Variants in CACNA1E observed in about 807,000 individuals in gnomAD.
The protein encoded by CACNA1E is calcium voltage-gated channel subunit alpha1 E, also known as voltage-dependent R-type calcium channel subunit alpha-1E.
A neutral mutation model predicts 259.2 loss-of-function variants in CACNA1E; 40 were observed. The ratio of observed to expected loss-of-function variants is 0.15; its 90% CI spans 0.12 to 0.20. CACNA1E has a LOEUF of 0.20. Ranked by LOEUF, CACNA1E falls within the 10% of genes least tolerant of loss-of-function variation. CACNA1E has a pLI of 1.00. For synonymous variants in CACNA1E, 1,104 were observed against 1,138.5 expected (o/e 0.97, Z 0.61); for missense variants, 1,874 against 3,040.1 (o/e 0.62, Z 9.02).
At position 181,780,943 on chromosome 1, in the gene CACNA1E, C is replaced by T. The variant is rs547300083; in HGVS notation, c.5268-484C>T. On this transcript the variant is annotated intron_variant, in intron 38 of 47. Transcript: ENST00000367573. Reference sequence around the variant, plus strand: ...CTGACTTCCAGGCCAGCGCCCCAGCCGGGGTCAGAAACTCCAACCCATGGC... The same window carrying T: ...CTGACTTCCAGGCCAGCGCCCCAGCTGGGGTCAGAAACTCCAACCCATGGC... 1.1e-4 allele frequency among the ~76,000 whole-genome samples: 16 copies of T among 152,284 alleles called. No individual in the cohort carries two copies. The South Asian group carries it at 2.3e-3, about 22-fold the overall frequency.
chr1:181,370,036 C>T lies in CACNA1E; in HGVS notation c.-14-43097C>T, dbSNP rs189801801. Among the ~76,000 whole-genome samples the T allele has an allele frequency of 2.0e-3, 303 of 151,520 alleles. 1 individual carries two copies. Among genetic ancestry groups the T allele is most frequent in the Admixed American group, 4.8e-3 (73 of 15,210 alleles). ...GTACTCAACTTTGTTTATTTTTTTT[C>T]ACAGTTGAGAATTTTAATTTTTCAA... On this transcript the variant is annotated intron_variant, in intron 1 of 11. Transcript: ENST00000524607.
intron 24 of CACNA1E, among the ~76,000 whole-genome samples, 198 bp downstream of exon 24, chr1:181,738,624 A>G (rs1656279848): frequency 6.6e-6 from 1 of 152,136 alleles, no homozygotes. Flanking sequence ...ATGTGTTTGT[A>G]CTGCTGCAGG....
intron 7 of CACNA1E, among the ~76,000 whole-genome samples, chr1:181,679,852 A>C (rs1284360667): frequency 6.6e-6 from 1 of 152,148 alleles, no homozygotes; most frequent in East Asian, 1.9e-4. Flanking sequence ...TCTAAAGTTA[A>C]GTCCACCTGT....
At chr1:181,515,583 C>T (rs1009374354) in intron 3 of CACNA1E, among the ~76,000 whole-genome samples, 2 of 152,218 alleles carry the variant, frequency 1.3e-5, no homozygotes, top group Non-Finnish European at 2.9e-5. Flanking sequence ...CTTGGGATCT[C>T]TCTTGCATTG....
chr1:181,778,376 C>T (rs1473071912), intron 38 of CACNA1E, among the ~76,000 whole-genome samples: 1 of 152,160 alleles, frequency 6.6e-6, no homozygotes, highest in East Asian at 1.9e-4. Context: ...GAGCTGCTAT[C>T]TGGAAGAATA....
At chr1:181,349,241 T>C (rs1424258633) in intron 1 of CACNA1E, among the ~76,000 whole-genome samples, 1 of 152,094 alleles carries the variant, frequency 6.6e-6, no homozygotes, top group African/African-American at 2.4e-5. Context: ...GAAACACAGG[T>C]CCCCTGTGGG....
upstream of CACNA1E, among the ~76,000 whole-genome samples, chr1:181,480,921 T>G (rs1261837971): frequency 6.6e-6 from 1 of 152,236 alleles, no homozygotes; most frequent in Non-Finnish European, 1.5e-5. Context: ...TCTAATGATT[T>G]GAATGAATTT....
At chr1:181,610,791 A>G (rs1419574200) in intron 6 of CACNA1E, among the ~76,000 whole-genome samples, 1 of 152,206 alleles carries the variant, frequency 6.6e-6, no homozygotes, top group Non-Finnish European at 1.5e-5. Context: ...CCCATGCACA[A>G]CAGCATGCAG....
intron 7 of CACNA1E, among the ~76,000 whole-genome samples, chr1:181,687,966 A>T (rs923004340): frequency 1.3e-5 from 2 of 152,094 alleles, no homozygotes; most frequent in Non-Finnish European, 2.9e-5. Context: ...ACCATGAAGC[A>T]TTGTGTTTTC....
chr1:181,563,172 G>A (rs986564836), intron 3 of CACNA1E, among the ~76,000 whole-genome samples: 1 of 152,086 alleles, frequency 6.6e-6, no homozygotes, highest in Non-Finnish European at 1.5e-5. Flanking sequence ...TGTAATTGTA[G>A]GTTTGTCTTC....
intron 1 of CACNA1E, among the ~76,000 whole-genome samples, chr1:181,361,130 C>T (rs1653859835): frequency 6.6e-6 from 1 of 152,214 alleles, no homozygotes; most frequent in African/African-American, 2.4e-5. Flanking sequence ...TCTCCTCAAT[C>T]TGTGGCCTAG....
At chr1:181,364,111 T>C (rs1012370485) in intron 1 of CACNA1E, among the ~76,000 whole-genome samples, 1 of 152,230 alleles carries the variant, frequency 6.6e-6, no homozygotes, top group Non-Finnish European at 1.5e-5. Context: ...CCAGATTGCC[T>C]GGAATGTTTA....
intron 8 of CACNA1E, among the ~76,000 whole-genome samples, chr1:181,712,739 C>A (rs1329350750): frequency 6.6e-6 from 1 of 151,998 alleles, no homozygotes; most frequent in Non-Finnish European, 1.5e-5. Context: ...GCAGATTTGC[C>A]TCTAGGCCAG....
chr1:181,730,412 G>A (rs1387595648), intron 18 of CACNA1E, among the ~76,000 whole-genome samples: 4 of 152,196 alleles, frequency 2.6e-5, no homozygotes, highest in South Asian at 2.1e-4. Context: ...CTGTTTTTGC[G>A]GGAACAGTTC....
intron 6 of CACNA1E, among the ~76,000 whole-genome samples, chr1:181,615,630 A>G (rs1558187999): frequency 6.6e-6 from 1 of 152,172 alleles, no homozygotes; most frequent in Admixed American, 6.6e-5. Context: ...TCACTTACCA[A>G]TTTTAGTAGT....
chr1:181,455,852 G>A (rs1661430804), intron 2 of CACNA1E, among the ~76,000 whole-genome samples: 1 of 152,198 alleles, frequency 6.6e-6, no homozygotes, highest in Non-Finnish European at 1.5e-5. Flanking sequence ...TCTGTGAGGA[G>A]GACCCATGAG....
At chr1:181,453,300 G>T (rs894185492) in intron 2 of CACNA1E, among the ~76,000 whole-genome samples, 3 of 152,150 alleles carry the variant, frequency 2.0e-5, no homozygotes, top group Non-Finnish European at 4.4e-5. Flanking sequence ...AGTTTCCCTT[G>T]CTGAGAACTG....
intron 1 of CACNA1E, among the ~76,000 whole-genome samples, chr1:181,496,590 G>A (rs773964563): frequency 2.6e-5 from 4 of 152,120 alleles, no homozygotes; most frequent in Admixed American, 6.5e-5. Flanking sequence ...AAAGGGTTAG[G>A]GTGCTGTGGG....
chr1:181,707,577 A>G (rs1038199735), intron 7 of CACNA1E, among the ~76,000 whole-genome samples: 1 of 152,204 alleles, frequency 6.6e-6, no homozygotes, highest in Non-Finnish European at 1.5e-5. Flanking sequence ...TGGGGGCCTT[A>G]TAAAGATGAC....
Sources: allele counts gnomAD v4.1 joint callset (sites outside exome capture counted in the v4.1 genomes callset), GRCh38; gene constraint gnomAD v4.1.1; transcripts MANE v1.5; gene names NCBI Gene and HGNC (gene_info 2026-07-23, HGNC 2026-07-21).